CDNF: variants seen among roughly 807,000 people sequenced by gnomAD.
The protein encoded by CDNF is cerebral dopamine neurotrophic factor, also known as ARMET-like protein 1.
Under a neutral mutation model 14.8 loss-of-function variants are expected in CDNF, and 9 were observed. The ratio of observed to expected loss-of-function variants is 0.61; its 90% CI spans 0.37 to 1.06. The LOEUF (loss-of-function observed/expected upper bound fraction) is 1.06. CDNF is among the 50% of genes least tolerant of loss of function. CDNF has a pLI of 0.01. For missense variants in CDNF, 228 were observed against 228.4 expected (o/e 1.00, Z 0.01); for synonymous variants, 86 against 87.2 (o/e 0.99, Z 0.07).
chr10:14,833,019 C>G (rs754925040), intron 1 of CDNF, among the ~76,000 whole-genome samples: 14 of 151,732 alleles, frequency 9.2e-5, no homozygotes, highest in Admixed American at 3.9e-4. Flanking sequence ...GTCACCACAC[C>G]TAGCTAATTT....
chr10:14,820,238 G>A, intron 3 of CDNF, 80 bp from the exon 4 acceptor site: 3 of 1,426,686 alleles, frequency 2.1e-6, no homozygotes, highest in Non-Finnish European at 2.9e-6. Context: ...AAGGCATATA[G>A]TTTGCTTATC....
chr10:14,834,328 G>A (rs763718325), intron 1 of CDNF: 1 of 151,478 alleles, frequency 6.6e-6, no homozygotes, highest in Non-Finnish European at 1.5e-5. Flanking sequence ...GTGACAGAGT[G>A]AGGCTCTGTC....
chr10:14,836,607 C>G (rs925202786), intron 1 of CDNF, among the ~76,000 whole-genome samples: 7 of 152,170 alleles, frequency 4.6e-5, no homozygotes, highest in African/African-American at 1.7e-4. Context: ...TTAATTATTG[C>G]AGAGCTCATA....
rs567924586 is a variant in CDNF, at chr10:14,831,580, A to T, written c.116-3308T>A. The stretch of plus-strand genomic sequence containing the variant: ...CACACACACACACATATATATATAT[A>T]TATTTTTTTTCAAGATGGAGTCTCG... On this transcript the variant is annotated intron_variant, in intron 1 of 3. Transcript: ENST00000465530. Among the ~76,000 whole-genome samples, 85 of 150,526 alleles carry T rather than the reference A, an allele frequency of 5.6e-4. 1 individual carries two copies. In the South Asian group the frequency reaches 6.5e-3, roughly 11 times the overall value.
In CDNF at chr10:14,819,352, A is replaced by C. The variant is rs1833716489; in HGVS notation, c.*628T>G. ...TGAAAAAGACCTTGAGCTTGGTTCAATTAACAATGTAAATGTTGATATAAT... is the reference window on the plus strand; with the variant it reads ...TGAAAAAGACCTTGAGCTTGGTTCACTTAACAATGTAAATGTTGATATAAT... On this transcript the variant is annotated 3_prime_UTR_variant, in exon 4 of 4. Transcript: ENST00000465530. 6.6e-6 allele frequency: 1 copy of C among 152,262 alleles called. No individual in the cohort carries two copies. The highest frequency in any genetic ancestry group is 1.5e-5 in the Non-Finnish European group (1 of 68,044). The allele number at this position is 152,262 out of a possible 1,614,324, so 9.4% of individuals were successfully genotyped here. A position where few individuals can be genotyped will look rare whatever the true frequency, so the allele number is the denominator to read the frequency against.
chr10:14,826,095 A>AAGAAGCAGAAGC (rs1426555042), intron 2 of CDNF, among the ~76,000 whole-genome samples: 1 of 87,542 alleles, frequency 1.1e-5, no homozygotes, highest in Non-Finnish European at 2.3e-5. Flanking sequence ...GAAGAAGAAG[A>AAGAAGCAGAAGC]AGCAGCAGCA....
At chr10:14,821,915 C>A (rs1166543860) in intron 3 of CDNF, among the ~76,000 whole-genome samples, 2 of 152,186 alleles carry the variant, frequency 1.3e-5, no homozygotes, top group African/African-American at 4.8e-5. Context: ...AGTTATGGTT[C>A]ACTTTTTCTA....
chr10:14,828,207 C>CCAGCGAAAAGTTAACTCCTCT lies in CDNF; in HGVS notation c.160_180dup (p.Arg54_Leu60dup). 8.7e-6 allele frequency: 14 copies of CCAGCGAAAAGTTAACTCCTCT among 1,613,270 alleles called. No individual in the cohort carries two copies. The highest frequency in any genetic ancestry group is 1.2e-5 in the Non-Finnish European group (14 of 1,179,296). On this transcript the variant is annotated inframe_insertion, in exon 2 of 4. Transcript: ENST00000465530. ...CTGATCAATTCTTTCTCTATAGTGT[C>CCAGCGAAAAGTTAACTCCTCT]CAGCGAAAAGTTAACTCCTCTGTCT...
At chr10:14,824,011 T>C (rs1342060259) in intron 3 of CDNF, among the ~76,000 whole-genome samples, 1 of 152,234 alleles carries the variant, frequency 6.6e-6, no homozygotes, top group African/African-American at 2.4e-5. Context: ...GCTAGCTATG[T>C]GGCTATGGTG....
At chr10:14,821,075 G>A (rs1276144122) in intron 3 of CDNF, among the ~76,000 whole-genome samples, 2 of 152,038 alleles carry the variant, frequency 1.3e-5, no homozygotes, top group Non-Finnish European at 2.9e-5. Flanking sequence ...GTGGAGCTGT[G>A]AGCCAATTAA....
At position 14,837,915 on chromosome 10, in the gene CDNF, G is replaced by T. The variant is rs750632389; in HGVS notation, c.32C>A (p.Ala11Asp). Residue 11 changes from alanine (A) to aspartate (D), a missense_variant, in exon 1 of 4, where the codon GCC becomes GAC. By Grantham distance (126) the Ala-to-Asp change is moderately radical (BLOSUM62 -2). Transcript: ENST00000465530. ...AGAGACCAAAAGCCCGGCGCAAAAG[G>T]CCACCACAGCAACTGGGCTCGCGCA... The part of the protein sequence containing the change: MWCASPVAVV[A>D]FCAGLLVSHP... 2 of 1,606,288 alleles carry T rather than the reference G, an allele frequency of 1.2e-6. No individual in the cohort carries two copies. The highest frequency in any genetic ancestry group is 2.2e-5 in the South Asian group (2 of 90,028).
intron 1 of CDNF, among the ~76,000 whole-genome samples, chr10:14,832,063 A>C (rs1833848642): frequency 6.6e-6 from 1 of 152,248 alleles, no homozygotes. Context: ...AAGTAAAGGT[A>C]TACGTAGCAA....
chr10:14,833,516 C>A (rs1833862878), intron 1 of CDNF, among the ~76,000 whole-genome samples: 1 of 152,064 alleles, frequency 6.6e-6, no homozygotes, highest in Non-Finnish European at 1.5e-5. Context: ...ATAAATATTA[C>A]AGATATTAAG....
chr10:14,832,852 C>CTTT (rs918887413), intron 1 of CDNF, among the ~76,000 whole-genome samples: 203 of 80,468 alleles, frequency 2.5e-3, no homozygotes, highest in Non-Finnish European at 2.8e-3. Context: ...TCTTTTTTTG[C>CTTT]TTTTTTTTTT....
At chr10:14,826,437 A>AGC (rs1305640765) in intron 2 of CDNF, among the ~76,000 whole-genome samples, 16 of 150,758 alleles carry the variant, frequency 1.1e-4, no homozygotes, top group African/African-American at 1.7e-4. Context: ...CAGCAGAAGA[A>AGC]AGAAGCAGAA....
chr10:14,834,420 AC>A (rs1217894352), intron 1 of CDNF: 2 of 152,042 alleles, frequency 1.3e-5, no homozygotes, highest in African/African-American at 4.8e-5. Context: ...TACAAAAGAA[AC>A]CCCCAGTATT....
chr10:14,832,852 C>CTTTTTTTTTTT (rs918887413), intron 1 of CDNF, among the ~76,000 whole-genome samples: 17 of 80,494 alleles, frequency 2.1e-4, no homozygotes, highest in South Asian at 5.3e-4. Context: ...TCTTTTTTTG[C>CTTTTTTTTTTT]TTTTTTTTTT....
intron 3 of CDNF, 81 bp from the exon 4 acceptor site, chr10:14,820,239 T>G (rs758490992): frequency 2.2e-4 from 304 of 1,402,376 alleles, no homozygotes; most frequent in Non-Finnish European, 2.8e-4. Flanking sequence ...AGGCATATAG[T>G]TTGCTTATCT....
intron 2 of CDNF, among the ~76,000 whole-genome samples, chr10:14,826,092 A>AGC (rs1833783698): frequency 1.8e-5 from 2 of 110,980 alleles, no homozygotes; most frequent in Admixed American, 9.2e-5. Context: ...GAAGAAGAAG[A>AGC]AGAAGCAGCA....
Sources: allele counts gnomAD v4.1 joint callset (sites outside exome capture counted in the v4.1 genomes callset), GRCh38; gene constraint gnomAD v4.1.1; transcripts MANE v1.5; gene names NCBI Gene and HGNC (gene_info 2026-07-23, HGNC 2026-07-21).